SNTG1: variants seen among roughly 807,000 people sequenced by gnomAD.
SNTG1 encodes the protein syntrophin gamma 1, also known as gamma-1-syntrophin.
In SNTG1, 39 loss-of-function variants were observed where a neutral mutation model predicts 74.7. The ratio of observed to expected loss-of-function variants is 0.52; its 90% confidence interval spans 0.40 to 0.68. SNTG1 has a LOEUF of 0.68. Among genes scored for constraint, SNTG1 ranks in the 30% least tolerant of loss-of-function variants. The probability of loss-of-function intolerance (pLI) is 0.00; values close to 1 mark genes in which losing one functional copy is unlikely to be tolerated. For synonymous variants in SNTG1, 254 were observed against 217.1 expected (o/e 1.17, Z -1.49); for missense variants, 685 against 609.5 (o/e 1.12, Z -1.30).
intron 15 of SNTG1, 82 bp downstream of exon 15, chr8:50,658,745 C>A: frequency 1.2e-6 from 1 of 830,358 alleles, no homozygotes; most frequent in Non-Finnish European, 1.9e-6. Context: ...CTCATGAAAA[C>A]AAATCATTCA....
At chr8:49,959,445 T>C (rs2129682140) in intron 1 of SNTG1, among the ~76,000 whole-genome samples, 1 of 150,516 alleles carries the variant, frequency 6.6e-6, no homozygotes, top group East Asian at 2.0e-4. Flanking sequence ...TAGCAGTCAC[T>C]CCCCACTGCC....
intron 15 of SNTG1, among the ~76,000 whole-genome samples, chr8:50,679,718 G>T (rs1585504743): frequency 6.6e-6 from 1 of 152,134 alleles, no homozygotes; most frequent in East Asian, 1.9e-4. Flanking sequence ...TGTCCTCCCA[G>T]GCTTGGAATC....
chr8:50,766,426 C>T (rs557019080), intron 18 of SNTG1, among the ~76,000 whole-genome samples: 1 of 152,060 alleles, frequency 6.6e-6, no homozygotes, highest in South Asian at 2.1e-4. Flanking sequence ...TGAAGGCTAT[C>T]ATTTTCACTT....
chr8:50,517,389 C>T (rs557255850), intron 9 of SNTG1, among the ~76,000 whole-genome samples: 6 of 152,008 alleles, frequency 3.9e-5, no homozygotes, highest in Non-Finnish European at 8.8e-5. Flanking sequence ...TGTCAAATAA[C>T]AGGCAAAATA....
chr8:50,476,363 C>T (rs888963644), intron 8 of SNTG1, among the ~76,000 whole-genome samples: 3 of 152,022 alleles, frequency 2.0e-5, no homozygotes, highest in African/African-American at 7.3e-5. Flanking sequence ...GGAACATATG[C>T]CCTTTGAATA....
At chr8:50,222,116 C>G (rs1486501456) in intron 2 of SNTG1, among the ~76,000 whole-genome samples, 1 of 152,116 alleles carries the variant, frequency 6.6e-6, no homozygotes, top group Non-Finnish European at 1.5e-5. Context: ...CTGCAAAAGC[C>G]AGAAAAGACA....
chr8:50,282,293 C>T (rs2088509820), intron 2 of SNTG1, among the ~76,000 whole-genome samples: 1 of 152,188 alleles, frequency 6.6e-6, no homozygotes. Context: ...CCAATAAATA[C>T]TGTCAGTTTG....
At chr8:50,022,136 C>G (rs1311675223) in intron 1 of SNTG1, among the ~76,000 whole-genome samples, 1 of 152,082 alleles carries the variant, frequency 6.6e-6, no homozygotes, top group Non-Finnish European at 1.5e-5. Flanking sequence ...AGCTCCATCA[C>G]TTTCTTGTTG....
chr8:50,585,611 G>C (rs1242557170), intron 12 of SNTG1, among the ~76,000 whole-genome samples: 1 of 151,914 alleles, frequency 6.6e-6, no homozygotes, highest in Non-Finnish European at 1.5e-5. Flanking sequence ...TTCATTATTT[G>C]GAAATAGTAT....
At chr8:50,022,292 G>A (rs1022700672) in intron 1 of SNTG1, among the ~76,000 whole-genome samples, 2 of 152,142 alleles carry the variant, frequency 1.3e-5, no homozygotes, top group Admixed American at 1.3e-4. Flanking sequence ...AGATATTTGT[G>A]CAAAATGCTT....
intron 2 of SNTG1, among the ~76,000 whole-genome samples, chr8:50,224,090 A>G (rs2085205301): frequency 6.6e-6 from 1 of 152,168 alleles, no homozygotes; most frequent in Admixed American, 6.5e-5. Flanking sequence ...AATATTATAT[A>G]ATATGCATAA....
chr8:50,360,119 C>T (rs1333265508), intron 2 of SNTG1, among the ~76,000 whole-genome samples: 3 of 151,644 alleles, frequency 2.0e-5, no homozygotes, highest in Non-Finnish European at 4.4e-5. Context: ...TCATGCAGAC[C>T]CACACGAGAT....
chr8:50,488,928 GC>G (rs1563463066), intron 8 of SNTG1, among the ~76,000 whole-genome samples: 1 of 151,598 alleles, frequency 6.6e-6, no homozygotes, highest in Admixed American at 6.6e-5. Context: ...CCCTCCCATA[GC>G]CCCCCACCCC....
At chr8:50,458,350 T>C (rs972189720) in intron 8 of SNTG1, among the ~76,000 whole-genome samples, 3 of 152,168 alleles carry the variant, frequency 2.0e-5, no homozygotes, top group African/African-American at 7.2e-5. Context: ...AAAGAAGAGC[T>C]CTTGGATATT....
chr8:50,566,545 A>G lies in SNTG1; in HGVS notation c.810+13366A>G, dbSNP rs368189454. On this transcript the variant is annotated intron_variant, in intron 12 of 18. Coordinates refer to ENST00000642720, the MANE Select transcript of SNTG1 (RefSeq NM_018967.5). ...AATATAGTAGGAAAAACAAATATTTATCAAAATTTAGGCAGCATAAAAGAC... is the reference window on the plus strand; with the variant it reads ...AATATAGTAGGAAAAACAAATATTTGTCAAAATTTAGGCAGCATAAAAGAC... Among the ~76,000 whole-genome samples the G allele has an allele frequency of 8.6e-5, 13 of 152,046 alleles. 1 individual carries two copies. The highest frequency in any genetic ancestry group is 2.9e-4 in the African/African-American group (12 of 41,452).
chr8:50,340,338 A>G (rs1341171964), intron 2 of SNTG1, among the ~76,000 whole-genome samples: 5 of 151,994 alleles, frequency 3.3e-5, no homozygotes, highest in Middle Eastern at 3.2e-3. Flanking sequence ...ATAAAGCTAC[A>G]TTAACCAAAA....
At chr8:50,232,508 C>T (rs1468844981) in intron 2 of SNTG1, among the ~76,000 whole-genome samples, 1 of 151,336 alleles carries the variant, frequency 6.6e-6, no homozygotes, top group Non-Finnish European at 1.5e-5. Flanking sequence ...AAGAGTGAAT[C>T]TTTACCCTTG....
chr8:50,775,709 T>C (rs1191296912), intron 18 of SNTG1, among the ~76,000 whole-genome samples: 1 of 151,754 alleles, frequency 6.6e-6, no homozygotes, highest in Non-Finnish European at 1.5e-5. Flanking sequence ...TTAAGAGAGA[T>C]GTTGAAGTCT....
chr8:50,345,996 A>C (rs2091463822), intron 2 of SNTG1, among the ~76,000 whole-genome samples: 1 of 152,164 alleles, frequency 6.6e-6, no homozygotes, highest in African/African-American at 2.4e-5. Flanking sequence ...TATTATGTGA[A>C]TATTTGATCT....
Sources: allele counts gnomAD v4.1 joint callset (sites outside exome capture counted in the v4.1 genomes callset), GRCh38; gene constraint gnomAD v4.1.1; transcripts MANE v1.5; gene names NCBI Gene and HGNC (gene_info 2026-07-23, HGNC 2026-07-21).